Variants in LPP observed in about 807,000 individuals in gnomAD.
The protein encoded by LPP is LIM domain containing preferred translocation partner in lipoma, also known as lipoma-preferred partner.
In LPP, 38 loss-of-function variants were observed where a neutral mutation model predicts 60.4. The ratio of observed to expected loss-of-function variants is 0.63; its 90% CI spans 0.49 to 0.83. LPP has a LOEUF of 0.83. LPP is among the 40% of genes least tolerant of loss of function. LPP has a pLI of 0.00. For missense variants in LPP, 902 were observed against 783.6 expected, an observed-to-expected ratio of 1.15 and a Z score of -1.80; for synonymous variants, 328 against 290.8, an observed-to-expected ratio of 1.13 and a Z score of -1.30.
At chr3:188,323,213 A>ACATCC (rs1757452009) in intron 2 of LPP, among the ~76,000 whole-genome samples, 1 of 152,208 alleles carries the variant, frequency 6.6e-6, no homozygotes, top group African/African-American at 2.4e-5. Flanking sequence ...AGACATAAAA[A>ACATCC]CATCCTTTCA....
intron 7 of LPP, among the ~76,000 whole-genome samples, chr3:188,616,586 TG>T (rs1844891421): frequency 8.2e-5 from 1 of 12,226 alleles, no homozygotes. Flanking sequence ...TTCATTTCTA[TG>T]GGTTTTTTTT....
rs80279906 is a variant in LPP, at chr3:188,514,974, C to T, written c.307-9691C>T. On this transcript the variant is annotated intron_variant, in intron 5 of 11. Coordinates refer to ENST00000617246, the MANE Select transcript of LPP (RefSeq NM_001375462.1). ...TTAAAGGAGATTTGGGTTGGCCAAA[C>T]ATTGCTAACACTGGGTGAGTGTGTT... 3.0e-3 allele frequency among the ~76,000 whole-genome samples: 461 copies of T among 152,190 alleles called. 2 individuals carry two copies. Among genetic ancestry groups the T allele is most frequent in the African/African-American group, 0.011 (443 of 41,520 alleles).
In LPP at chr3:188,640,549, CG is replaced by C. The variant is rs577198441; in HGVS notation, c.1113+30706del. 3.2e-3 allele frequency among the ~76,000 whole-genome samples: 445 copies of C among 139,654 alleles called. 4 individuals carry two copies. Among genetic ancestry groups the C allele is most frequent in the African/African-American group, 0.011 (401 of 37,278 alleles). The allele number at this position is 139,654 out of a possible 152,430, so 91.6% of individuals were successfully genotyped here. ...TAATAATAATAATAAAAGTTTGGGACGAAAAAAAAAAAAGAAACAGATCCCT... is the reference window on the plus strand; with the variant it reads ...TAATAATAATAATAAAAGTTTGGGACAAAAAAAAAAAAGAAACAGATCCCT... On this transcript the variant is annotated intron_variant, in intron 7 of 11. Transcript: ENST00000617246.
At chr3:188,561,178 T>C (rs546659083) in intron 6 of LPP, among the ~76,000 whole-genome samples, 81 of 152,244 alleles carry the variant, frequency 5.3e-4, no homozygotes, top group Non-Finnish European at 1.0e-3. Context: ...CATTTTCTAA[T>C]ATACTTGTAA....
intron 1 of LPP, among the ~76,000 whole-genome samples, chr3:188,201,260 A>G (rs1042785368): frequency 6.6e-6 from 1 of 152,238 alleles, no homozygotes; most frequent in African/African-American, 2.4e-5. Context: ...GAACAGGGCA[A>G]GGAAGATGTT....
chr3:188,240,134 C>G (rs566262692), intron 2 of LPP: 2 of 190,232 alleles, frequency 1.1e-5, no homozygotes, highest in African/African-American at 2.3e-5. Flanking sequence ...GGAGAGACTG[C>G]TGGACCCTTC....
chr3:188,554,957 A>G (rs1829117787), intron 6 of LPP, among the ~76,000 whole-genome samples: 2 of 152,180 alleles, frequency 1.3e-5, no homozygotes, highest in African/African-American at 4.8e-5. Flanking sequence ...CTATAGAGAA[A>G]AATAAAGCAA....
intron 4 of LPP, among the ~76,000 whole-genome samples, chr3:188,453,707 C>A (rs1284764117): frequency 2.0e-5 from 3 of 151,984 alleles, no homozygotes; most frequent in Non-Finnish European, 4.4e-5. Flanking sequence ...TAGTATTTAT[C>A]AAAATAGTAC....
At chr3:188,793,658 C>A (rs1177584152) in intron 9 of LPP, among the ~76,000 whole-genome samples, 1 of 152,142 alleles carries the variant, frequency 6.6e-6, no homozygotes, top group Non-Finnish European at 1.5e-5. Flanking sequence ...TTCTTGGAAG[C>A]TGTCTTCTCT....
At chr3:188,468,090 A>T (rs910194758) in intron 4 of LPP, among the ~76,000 whole-genome samples, 2 of 152,130 alleles carry the variant, frequency 1.3e-5, no homozygotes, top group African/African-American at 4.8e-5. Context: ...GTCCATTTCC[A>T]TATGAAAAGA....
intron 6 of LPP, among the ~76,000 whole-genome samples, chr3:188,586,320 A>G (rs1220297903): frequency 6.6e-6 from 1 of 152,188 alleles, no homozygotes; most frequent in Non-Finnish European, 1.5e-5. Flanking sequence ...AAAATGTAGT[A>G]ATGAAACAAT....
intron 8 of LPP, among the ~76,000 whole-genome samples, chr3:188,756,792 T>G (rs1184229133): frequency 6.6e-6 from 1 of 152,192 alleles, no homozygotes; most frequent in Non-Finnish European, 1.5e-5. Flanking sequence ...GAAAAAATAA[T>G]GAGAGGCAGC....
chr3:188,359,381 G>A (rs551318714), intron 3 of LPP, among the ~76,000 whole-genome samples: 2 of 152,174 alleles, frequency 1.3e-5, no homozygotes, highest in African/African-American at 4.8e-5. Context: ...GTGCATACGG[G>A]TGAGAGTTGC....
intron 7 of LPP, among the ~76,000 whole-genome samples, chr3:188,687,039 C>G (rs780301425): frequency 1.1e-4 from 16 of 152,202 alleles, no homozygotes; most frequent in Non-Finnish European, 2.2e-4. Flanking sequence ...GTCAGGCTGT[C>G]TGAAAGGACA....
chr3:188,700,373 T>C (rs1409107944), intron 7 of LPP, among the ~76,000 whole-genome samples: 1 of 152,156 alleles, frequency 6.6e-6, no homozygotes, highest in Non-Finnish European at 1.5e-5. Context: ...GGGGCTGACA[T>C]TGCGACAGAT....
At chr3:188,776,958 C>T (rs1026047239) in intron 9 of LPP, among the ~76,000 whole-genome samples, 2 of 152,108 alleles carry the variant, frequency 1.3e-5, no homozygotes, top group African/African-American at 4.8e-5. Context: ...TAGACATTTC[C>T]AGGAGAGAAT....
intron 6 of LPP, among the ~76,000 whole-genome samples, chr3:188,550,793 C>T (rs1236609981): frequency 2.6e-5 from 4 of 151,834 alleles, no homozygotes; most frequent in African/African-American, 9.7e-5. Context: ...AGGTTGCAGC[C>T]CTTATTTCTA....
At chr3:188,376,825 T>A (rs55668191) in intron 3 of LPP, among the ~76,000 whole-genome samples, 4,169 of 152,296 alleles carry the variant, frequency 0.027, 191 homozygotes, top group African/African-American at 0.097. Context: ...ATTTGGCATG[T>A]TTTTGCAGTG....
chr3:188,690,616 G>C (rs921697221), intron 7 of LPP, among the ~76,000 whole-genome samples: 1 of 152,158 alleles, frequency 6.6e-6, no homozygotes, highest in Non-Finnish European at 1.5e-5. Context: ...GTAAAATGTA[G>C]ATGGGTTCTA....
Sources: gnomAD v4.1 joint callset for allele counts (sites outside exome capture counted in the v4.1 genomes callset) on GRCh38, gnomAD v4.1.1 for gene constraint, MANE v1.5 for transcripts, NCBI Gene and HGNC (gene_info 2026-07-23, HGNC 2026-07-21) for gene names.